MYO15A: variants seen among roughly 807,000 people sequenced by gnomAD.
The protein encoded by MYO15A is unconventional myosin-XV.
A neutral mutation model predicts 394.6 loss-of-function variants in MYO15A; 308 were observed. That is an observed-to-expected ratio of 0.78 (90% CI 0.71 to 0.86). The LOEUF (loss-of-function observed/expected upper bound fraction) is 0.86, where lower values mean the gene tolerates loss of function less well. Among genes scored for constraint, MYO15A ranks in the 40% least tolerant of loss-of-function variants. The pLI, the probability that MYO15A is intolerant of heterozygous loss-of-function variation, is 0.00. For missense variants in MYO15A, 4,606 were observed against 4,799.1 expected, an observed-to-expected ratio of 0.96 and a Z score of 1.19; for synonymous variants, 1,957 against 2,003.8, an observed-to-expected ratio of 0.98 and a Z score of 0.62.
In MYO15A at chr17:18,140,719, A is replaced by T. The variant is rs1174649576; in HGVS notation, c.5360+54A>T. ...CCCAGCCTCATCCTTAACCCACCTC[A>T]TGACCCTCAGAGGTTGAGCGCCTTC... On this transcript the variant is annotated intron_variant, in intron 20 of 65. Transcript: ENST00000647165. 5.6e-6 allele frequency: 9 copies of T among 1,614,096 alleles called. No individual in the cohort carries two copies. The Admixed American group carries it at 1.5e-4, about 27-fold the overall frequency.
intron 24 of MYO15A, 25 bp downstream of exon 24, chr17:18,142,279 C>T: frequency 6.2e-7 from 1 of 1,605,510 alleles, no homozygotes; most frequent in South Asian, 1.1e-5. Context: ...AGGCAGGATT[C>T]CTAGGAGACC....
chr17:18,120,933 A>C lies in MYO15A; in HGVS notation c.2133A>C (p.Pro711=). The C allele has an allele frequency of 6.8e-7, 1 of 1,469,314 alleles. No individual in the cohort carries two copies. The highest frequency in any genetic ancestry group is 9.0e-7 in the Non-Finnish European group (1 of 1,116,122). The allele number at this position is 1,469,314 out of a possible 1,614,324, so 91.0% of individuals were successfully genotyped here. Residue 711 remains proline, a synonymous_variant, in exon 2 of 66, where the codon CCA becomes CCC. Coordinates refer to ENST00000647165, the MANE Select transcript of MYO15A (RefSeq NM_016239.4). ...CCTGGGCCGCCCCAGCGCACGTGCCACCGGCGCCGCAGGCCAGCTGGTGGG... is the reference window on the plus strand; with the variant it reads ...CCTGGGCCGCCCCAGCGCACGTGCCCCCGGCGCCGCAGGCCAGCTGGTGGG... ...PPPWAAPAHV[P]PAPQASWWAF... is the part of the protein sequence containing the mutation.
intron 22 of MYO15A, 32 bp downstream of exon 22, chr17:18,141,175 C>T (rs754617752): frequency 6.2e-7 from 1 of 1,612,048 alleles, no homozygotes; most frequent in Non-Finnish European, 8.5e-7. Context: ...CTGAGCTCTA[C>T]AAATCCCTGC....
At position 18,120,265 on chromosome 17, in the gene MYO15A, G is replaced by A; in HGVS notation, c.1465G>A (p.Gly489Arg). 6.2e-7 allele frequency: 1 copy of A among 1,611,908 alleles called. No individual in the cohort carries two copies. The highest frequency in any genetic ancestry group is 8.5e-7 in the Non-Finnish European group (1 of 1,179,594). Residue 489 changes from glycine (G) to arginine (R), a missense_variant, in exon 2 of 66, where the codon GGG (glycine) becomes AGG (arginine). Physicochemically the swap from Gly to Arg is moderately radical, Grantham distance 125 (BLOSUM62 -2). Around this residue, in one of 2 missense-constraint regions of MYO15A, gnomAD observed 1,830 missense variants for 1,689.7 expected, o/e 1.08. Transcript: ENST00000647165. ...LFPRPQVKLF[G>R]KEKLEVPLPP... Reference sequence around the variant, plus strand: ...CCCGCGACCCCAGGTGAAGCTGTTTGGGAAGGAGAAGCTGGAGGTGCCCCT... The same window carrying A: ...CCCGCGACCCCAGGTGAAGCTGTTTAGGAAGGAGAAGCTGGAGGTGCCCCT...
rs2142376225 is a variant in MYO15A, at chr17:18,153,721, T to C, written c.7967-54T>C. ...CTCAAAAATATATATATATATTAAT[T>C]AAATAAAAAAACGAGGTGCCTTCTC... On this transcript the variant is annotated intron_variant, in intron 42 of 65. Transcript: ENST00000647165. This position sits in a 1 kb window ranked among gnomAD's most constrained non-coding sequence, Gnocchi z 4.1. 6.5e-7 allele frequency: 1 copy of C among 1,546,626 alleles called. No individual in the cohort carries two copies. Among genetic ancestry groups the C allele is most frequent in the East Asian group, 2.5e-5 (1 of 40,472 alleles).
chr17:18,134,800 C>G (rs1049484744), intron 12 of MYO15A, among the ~76,000 whole-genome samples: 2 of 152,204 alleles, frequency 1.3e-5, no homozygotes, highest in Admixed American at 1.3e-4. Flanking sequence ...ATGTCTAATT[C>G]CAGACGTTCT....
Position 18,157,917 on chromosome 17 carries a change from TGGGGTGGGGC to T in MYO15A, c.8967+23_8967+32del. ...AGGAGAGAGGTGAGACCAGTGTGGG[TGGGGTGGGGC>T]GGGGTAGACCAGGGGGAAGGGGCCG... On this transcript the variant is annotated intron_variant, in intron 51 of 65. Coordinates refer to ENST00000647165, the MANE Select transcript of MYO15A (RefSeq NM_016239.4). 1.5e-5 allele frequency: 1 copy of T among 66,996 alleles called. No homozygotes were observed. Among genetic ancestry groups the T allele is most frequent in the Non-Finnish European group, 2.4e-5 (1 of 42,418 alleles). The allele number at this position is 66,996 out of a possible 1,614,324, so 4.2% of individuals were successfully genotyped here.
In MYO15A at chr17:18,149,506, C is replaced by G. The variant is rs1006550335; in HGVS notation, c.7138C>G (p.Pro2380Ala). 3.1e-6 allele frequency: 5 copies of G among 1,614,046 alleles called. No individual in the cohort carries two copies. Among genetic ancestry groups the G allele is most frequent in the Non-Finnish European group, 4.2e-6 (5 of 1,180,032 alleles). The change falls in exon 35 of 66, where the codon CCT (proline) becomes GCT (alanine). Residue 2380 changes from proline (P) to alanine (A), a missense_variant. By Grantham distance (27) the Pro-to-Ala change is conservative. This residue lies in a region of MYO15A where 2,776 missense variants were observed against 3,109.3 expected (regional missense o/e 0.89). Transcript: ENST00000647165. The part of the protein sequence containing the change: ...THQESDSLGE[P>A]AVPHKGLDCY... ...TCCAGAGTCAGACAGTCTTGGAGAG[C>G]CTGCTGTGCCCCACAAGGGGCTGGA...
chr17:18,118,964 G>T lies in MYO15A; in HGVS notation c.164G>T (p.Ser55Ile). ...ATCTCCAAGAAGGGCCAGTTCCGCA[G>T]CGCCTCGGCCTTCTTCTGGGGCCTC... ...PKISKKGQFR[S>I]ASAFFWGLHT... Residue 55 changes from serine (S) to isoleucine (I), a missense_variant, in exon 2 of 66, where the codon AGC (serine) becomes ATC (isoleucine). By Grantham distance (142) the Ser-to-Ile change is moderately radical. Transcript: ENST00000647165. 1 of 1,613,316 alleles carries T rather than the reference G, an allele frequency of 6.2e-7. No individual in the cohort carries two copies. The highest frequency in any genetic ancestry group is 8.5e-7 in the Non-Finnish European group (1 of 1,180,006).
Position 18,154,710 on chromosome 17 carries a change from C to T in MYO15A, c.8179C>T (p.Leu2727Phe), listed in dbSNP as rs1305357777. The change falls in exon 45 of 66, where the codon CTT becomes TTT. Residue 2727 changes from leucine (L) to phenylalanine (F), a missense_variant. Leu to Phe is a conservative substitution (Grantham distance 22). Transcript: ENST00000647165. Reference protein sequence around the residue: ...ILHDTLSEACLRISEDERLRM... With the variant: ...ILHDTLSEACFRISEDERLRM... Reference sequence around the variant, plus strand: ...GCACGACACGCTCTCCGAGGCCTGCCTTCGCATCTCTGAGGATGAGAGGCT... The same window carrying T: ...GCACGACACGCTCTCCGAGGCCTGCTTTCGCATCTCTGAGGATGAGAGGCT... 2 of 1,613,654 alleles carry T rather than the reference C, an allele frequency of 1.2e-6. No homozygotes were observed. Among genetic ancestry groups the T allele is most frequent in the African/African-American group, 2.7e-5 (2 of 74,920 alleles).
At chr17:18,170,548 G>A (rs1274729618) in intron 62 of MYO15A, among the ~76,000 whole-genome samples, 2 of 151,664 alleles carry the variant, frequency 1.3e-5, no homozygotes, top group South Asian at 4.2e-4. Flanking sequence ...TGTAGAGACG[G>A]GGGTCTTACC....
In MYO15A at chr17:18,163,891, G is replaced by A. The variant is rs763668053; in HGVS notation, c.9787+53G>A. On this transcript the variant is annotated intron_variant, in intron 60 of 65. Coordinates refer to ENST00000647165, the MANE Select transcript of MYO15A (RefSeq NM_016239.4). ...GGGCCCATTCCCATCCCCGGGCCTT[G>A]TGCCATGTGGGGCCCTCCACCCAGA... is the stretch of plus-strand genomic sequence containing the variant. 1.9e-6 allele frequency: 3 copies of A among 1,571,504 alleles called. No individual in the cohort carries two copies. The South Asian group carries it at 3.4e-5, about 18-fold the overall frequency.
chr17:18,114,239 G>GTTTTTT (rs2045757562), intron 1 of MYO15A, among the ~76,000 whole-genome samples: 3 of 67,092 alleles, frequency 4.5e-5, no homozygotes, highest in Non-Finnish European at 1.2e-4. Flanking sequence ...CCACAGTCCT[G>GTTTTTT]TCTTTTTTTT....
chr17:18,119,459 G>C lies in MYO15A; in HGVS notation c.659G>C (p.Arg220Pro). 1.9e-6 allele frequency: 3 copies of C among 1,612,554 alleles called. No individual in the cohort carries two copies. Among genetic ancestry groups the C allele is most frequent in the Non-Finnish European group, 2.5e-6 (3 of 1,179,972 alleles). The change falls in exon 2 of 66, where the codon CGC (arginine) becomes CCC (proline). Residue 220 changes from arginine (R) to proline (P), a missense_variant. Around this residue, in one of 2 missense-constraint regions of MYO15A, gnomAD observed 1,830 missense variants for 1,689.7 expected, o/e 1.08. Coordinates refer to ENST00000647165, the MANE Select transcript of MYO15A (RefSeq NM_016239.4). ...GCCCCATTCCATCACTCGGGCTCCC[G>C]CAAGTCGCTGTACGGGCTTGAGGGC... is the stretch of plus-strand genomic sequence containing the variant. ...DEAPFHHSGS[R>P]KSLYGLEGFQ...
In MYO15A at chr17:18,150,491, C is replaced by T; in HGVS notation, c.7275C>T (p.Gly2425=). The T allele has an allele frequency of 2.5e-6, 4 of 1,614,192 alleles. No individual in the cohort carries two copies. Among genetic ancestry groups the T allele is most frequent in the Non-Finnish European group, 3.4e-6 (4 of 1,180,008 alleles). Residue 2425 remains glycine (G), a synonymous_variant, in exon 36 of 66, where the codon GGC becomes GGT. Transcript: ENST00000647165. This position sits in a 1 kb window ranked among gnomAD's most constrained non-coding sequence, Gnocchi z 4.4. ...AAGGGGGAGGCCAGCCCGGTGGAGG[C>T]AGCAGTAGTGGTACTGAAGACACCC... is the stretch of plus-strand genomic sequence containing the variant. The part of the protein sequence containing the change: ...RMKGGGQPGG[G]SSSGTEDTPR...
intron 56 of MYO15A, chr17:18,160,956 C>T (rs1036272678): frequency 2.5e-6 from 1 of 397,022 alleles, no homozygotes; most frequent in Non-Finnish European, 4.8e-6. Flanking sequence ...TCCTCCCAGC[C>T]CTGGGCCTTA....
Position 18,139,557 on chromosome 17 carries a change from C to T in MYO15A, c.5157C>T (p.Asn1719=). ...TYQVHKFLDK[N]HDQVRQDVLD... ...AGGTGCACAAGTTCCTGGACAAGAA[C>T]CACGACCAAGTGCGCCAGGATGTGC... The change falls in exon 19 of 66, where the codon AAC becomes AAT. Residue 1719 remains asparagine (N), a synonymous_variant. Coordinates refer to ENST00000647165, the MANE Select transcript of MYO15A (RefSeq NM_016239.4). 1 of 1,614,084 alleles carries T rather than the reference C, an allele frequency of 6.2e-7. No homozygotes were observed. Among genetic ancestry groups the T allele is most frequent in the Non-Finnish European group, 8.5e-7 (1 of 1,180,012 alleles).
At chr17:18,125,509 A>C in intron 4 of MYO15A, 1 of 430,620 alleles carries the variant, frequency 2.3e-6, no homozygotes, top group Non-Finnish European at 4.3e-6. Context: ...CCTGGTTAAC[A>C]CGGTGAAACC....
chr17:18,149,526 G>A lies in MYO15A; in HGVS notation c.7158G>A (p.Gly2386=), dbSNP rs777878916. ...GAGAGCCTGCTGTGCCCCACAAGGG[G>A]CTGGACTGCTACCTGGATAGCCTCT... ...SLGEPAVPHK[G]LDCYLDSLFD... is the part of the protein sequence containing the mutation. Residue 2386 remains glycine, a synonymous_variant, in exon 35 of 66, where the codon GGG becomes GGA. Transcript: ENST00000647165. The A allele has an allele frequency of 2.5e-6, 4 of 1,614,214 alleles. No homozygotes were observed. In the Admixed American group the frequency reaches 5.0e-5, roughly 20 times the overall value.
Sources: allele counts gnomAD v4.1 joint callset (sites outside exome capture counted in the v4.1 genomes callset), GRCh38; gene constraint gnomAD v4.1.1; regional missense constraint gnomAD v4.1.1; non-coding constraint Gnocchi (gnomAD v3.1); transcripts MANE v1.5; gene names NCBI Gene and HGNC (gene_info 2026-07-23, HGNC 2026-07-21).